Variants in C3orf49 observed in about 807,000 individuals in gnomAD.
C3orf49 encodes the protein putative uncharacterized protein C3orf49.
C3orf49 carries 27 observed loss-of-function variants against 13.3 expected under a neutral mutation model. That is an observed-to-expected ratio of 2.02 (90% CI 1.49 to 2.79). C3orf49 has a LOEUF of 2.79. Ranked by LOEUF, C3orf49 falls within the 30% of genes most tolerant of loss-of-function variation. The pLI is 0.00. For missense variants in C3orf49, 242 were observed against 134.2 expected, an observed-to-expected ratio of 1.80 and a Z score of -3.97; for synonymous variants, 87 against 47.6, an observed-to-expected ratio of 1.83 and a Z score of -3.40.
chr3:63,815,544 T>C (rs1701314418), upstream of C3orf49, among the ~76,000 whole-genome samples: 1 of 152,194 alleles, frequency 6.6e-6, no homozygotes, highest in Non-Finnish European at 1.5e-5. Context: ...CAGACATGCC[T>C]GGTTTGCACC....
rs1287047229 is a variant in C3orf49 at position 63,831,743 on chromosome 3, G to A, written c.748G>A (p.Glu250Lys). The stretch of plus-strand genomic sequence containing the variant: ...GAAGCTACTGGCCCAAAGACATGCT[G>A]AGCTTCAACAGTGTGAGTTTCTGGG... ...SMKLLAQRHAELQQCEFLGDE... is the reference protein window; with the variant it reads ...SMKLLAQRHAKLQQCEFLGDE... The change falls in exon 5 of 7, where the codon GAG (glutamate) becomes AAG (lysine). Residue 250 changes from glutamate to lysine, a missense_variant. Physicochemically the swap from Glu to Lys is moderately conservative, Grantham distance 56 (BLOSUM62 1). Coordinates refer to ENST00000295896, the MANE Select transcript of C3orf49 (RefSeq NM_001355236.2). 2.8e-6 allele frequency: 2 copies of A among 702,976 alleles called. No individual in the cohort carries two copies. The highest frequency in any genetic ancestry group is 1.5e-5 in the South Asian group (1 of 67,606). The allele number at this position is 702,976 out of a possible 1,614,324, so 43.5% of individuals were successfully genotyped here.
the C3orf49 span, among the ~76,000 whole-genome samples, chr3:63,792,735 C>T: frequency 2.0e-5 from 3 of 152,118 alleles, no homozygotes; most frequent in Non-Finnish European, 2.9e-5. Flanking sequence ...GACCACAAAC[C>T]GATTAGGTAA....
At chr3:63,807,352 G>A in the C3orf49 span, among the ~76,000 whole-genome samples, 1 of 152,038 alleles carries the variant, frequency 6.6e-6, no homozygotes, top group Admixed American at 6.6e-5. Context: ...CAACAACCCT[G>A]GGGTGAGGGG....
At chr3:63,811,859 A>AT in the C3orf49 span, among the ~76,000 whole-genome samples, 6 of 151,832 alleles carry the variant, frequency 4.0e-5, no homozygotes, top group South Asian at 1.0e-3. Context: ...ACAAGAGGAG[A>AT]TTAAAAAAAA....
At chr3:63,840,011 T>C (rs1701724991) in intron 5 of C3orf49, among the ~76,000 whole-genome samples, 2 of 152,152 alleles carry the variant, frequency 1.3e-5, no homozygotes, top group Non-Finnish European at 1.5e-5. Flanking sequence ...AAGAAAGTTA[T>C]TGCATGACTA....
upstream of C3orf49, among the ~76,000 whole-genome samples, chr3:63,814,415 G>A (rs553778656): frequency 4.6e-5 from 7 of 151,758 alleles, no homozygotes; most frequent in South Asian, 1.3e-3. Flanking sequence ...TGGTTCCTGC[G>A]GTTATTCATG....
At chr3:63,806,498 G>T in the C3orf49 span, among the ~76,000 whole-genome samples, 1 of 152,196 alleles carries the variant, frequency 6.6e-6, no homozygotes, top group Non-Finnish European at 1.5e-5. Flanking sequence ...TTCAGTAAGA[G>T]AACAGTATTA....
chr3:63,782,217 C>T, the C3orf49 span, among the ~76,000 whole-genome samples: 1 of 152,116 alleles, frequency 6.6e-6, no homozygotes, highest in African/African-American at 2.4e-5. Context: ...ATTGCAATTT[C>T]AATACACTTT....
At chr3:63,833,064 T>A (rs1445133998) in intron 5 of C3orf49, among the ~76,000 whole-genome samples, 1 of 151,968 alleles carries the variant, frequency 6.6e-6, no homozygotes, top group East Asian at 1.9e-4. Flanking sequence ...GCTTAATTTT[T>A]AAAAAGATTA....
At chr3:63,801,310 TAGAA>T in the C3orf49 span, among the ~76,000 whole-genome samples, 3 of 151,228 alleles carry the variant, frequency 2.0e-5, no homozygotes, top group Non-Finnish European at 4.4e-5. Context: ...TTTGACTACA[TAGAA>T]AGAGACAGAG....
At chr3:63,791,453 G>A in the C3orf49 span, among the ~76,000 whole-genome samples, 2,115 of 152,288 alleles carry the variant, frequency 0.014, 48 homozygotes, top group African/African-American at 0.046. Flanking sequence ...GAGAGAAAAG[G>A]TGAGCTCAGG....
the C3orf49 span, among the ~76,000 whole-genome samples, chr3:63,786,386 G>C: frequency 4.6e-5 from 7 of 151,940 alleles, no homozygotes; most frequent in Non-Finnish European, 1.0e-4. Context: ...TGTTCAGTAT[G>C]TTATCTGAAC....
At chr3:63,828,834 C>A (rs934173677) in intron 3 of C3orf49, among the ~76,000 whole-genome samples, 1 of 152,120 alleles carries the variant, frequency 6.6e-6, no homozygotes, top group Non-Finnish European at 1.5e-5. Flanking sequence ...ACGTAAGTGA[C>A]AGAGCCAAGT....
intron 5 of C3orf49, chr3:63,835,205 G>C (rs373519986): frequency 1.2e-6 from 2 of 1,613,472 alleles, no homozygotes. Context: ...ACATGAAACT[G>C]TTTCCGTCTC....
chr3:63,832,555 G>A (rs976282850), intron 5 of C3orf49, among the ~76,000 whole-genome samples: 10 of 152,102 alleles, frequency 6.6e-5, no homozygotes, highest in South Asian at 2.1e-4. Context: ...CCAGCTACTC[G>A]GGAGGCTGAC....
intron 5 of C3orf49, among the ~76,000 whole-genome samples, chr3:63,832,636 T>C (rs1271700960): frequency 6.6e-6 from 1 of 152,086 alleles, no homozygotes; most frequent in Admixed American, 6.6e-5. Flanking sequence ...CACTCCAGCC[T>C]GGATGACAGG....
At chr3:63,817,398 T>C (rs1398510240), upstream of C3orf49, among the ~76,000 whole-genome samples, 3 of 152,172 alleles carry the variant, frequency 2.0e-5, no homozygotes, top group Non-Finnish European at 4.4e-5. Flanking sequence ...GTGTATGTTG[T>C]TCACTGCAGT....
intron 4 of C3orf49, 110 bp downstream of exon 4, chr3:63,831,333 T>C (rs1701529401): frequency 3.2e-6 from 2 of 626,952 alleles, no homozygotes; most frequent in East Asian, 5.4e-5. Context: ...AATTAATGAT[T>C]AGCATTAAGA....
intron 2 of C3orf49, chr3:63,827,320 T>C (rs528518552): frequency 6.5e-5 from 17 of 260,452 alleles, no homozygotes; most frequent in African/African-American, 3.7e-4. Flanking sequence ...CCACAATGGT[T>C]CAGGGGAAAA....
Sources: gnomAD v4.1 joint callset for allele counts (sites outside exome capture counted in the v4.1 genomes callset) on GRCh38, gnomAD v4.1.1 for gene constraint, MANE v1.5 for transcripts, NCBI Gene and HGNC (gene_info 2026-07-23, HGNC 2026-07-21) for gene names.